The following CFAP20DC variants were observed in gnomAD, a reference collection of about 807,000 sequenced individuals.
The protein encoded by CFAP20DC is protein CFAP20DC.
In CFAP20DC, 84 loss-of-function variants were observed where a neutral mutation model predicts 101.7. The ratio of observed to expected loss-of-function variants is 0.83; its 90% CI spans 0.69 to 0.99. CFAP20DC has a LOEUF of 0.99. CFAP20DC is among the 50% of genes least tolerant of loss of function. The probability of loss-of-function intolerance (pLI) is 0.00; values close to 1 mark genes in which losing one functional copy is unlikely to be tolerated. For synonymous variants in CFAP20DC, 359 were observed against 351.2 expected (o/e 1.02, Z -0.25); for missense variants, 1,007 against 970.3 (o/e 1.04, Z -0.50).
In CFAP20DC at chr3:58,863,333, T is replaced by C. The variant is rs1293014598; in HGVS notation, c.1593+225A>G. The C allele has an allele frequency of 7.1e-7, 1 of 1,410,602 alleles. No individual in the cohort carries two copies. Among genetic ancestry groups the C allele is most frequent in the African/African-American group, 1.4e-5 (1 of 69,162 alleles). The allele number at this position is 1,410,602 out of a possible 1,614,324, so 87.4% of individuals were successfully genotyped here. A position where few individuals can be genotyped will look rare whatever the true frequency, so the allele number is the denominator to read the frequency against. ...AAAACAGAAAGAAACCCAAAACTGG[T>C]TTCTATAAGTAAAAGTGAAATTGGC... On this transcript the variant is annotated intron_variant, in intron 12 of 16. Coordinates refer to ENST00000482387, the MANE Select transcript of CFAP20DC (RefSeq NM_001394063.1). This position sits in a 1 kb window ranked among gnomAD's most constrained non-coding sequence, Gnocchi z 5.9.
chr3:58,741,728 C>A (rs930805669), downstream of CFAP20DC, among the ~76,000 whole-genome samples: 5 of 152,056 alleles, frequency 3.3e-5, no homozygotes, highest in East Asian at 1.9e-4. Flanking sequence ...GATCTCCTGA[C>A]CTCGTGATTC....
intron 4 of CFAP20DC, among the ~76,000 whole-genome samples, chr3:58,982,765 A>G (rs893000773): frequency 4.0e-5 from 6 of 150,924 alleles, no homozygotes; most frequent in African/African-American, 1.5e-4. Flanking sequence ...CTAAATGACG[A>G]GTTAATGGGT....
Position 58,894,040 on chromosome 3 carries a change from C to A in CFAP20DC, c.551-9331G>T, listed in dbSNP as rs903885109. 6.6e-6 allele frequency among the ~76,000 whole-genome samples: 1 copy of A among 152,140 alleles called. No individual in the cohort carries two copies. The highest frequency in any genetic ancestry group is 1.5e-5 in the Non-Finnish European group (1 of 68,012). ...AGATCTCAAAAGACTTACTTGCTAT[C>A]ATGAGAACAGCATGGGAAGTACCTG... On this transcript the variant is annotated intron_variant, in intron 6 of 16. Transcript: ENST00000482387. This position sits in a 1 kb window ranked among gnomAD's most constrained non-coding sequence, Gnocchi z 4.1.
chr3:58,817,079 C>T (rs1453360915), intron 14 of CFAP20DC, among the ~76,000 whole-genome samples: 1 of 152,022 alleles, frequency 6.6e-6, no homozygotes, highest in Non-Finnish European at 1.5e-5. Context: ...AGCTGAGGGT[C>T]TTGTCTGTTA....
chr3:58,748,063 A>T (rs1299721635), intron 16 of CFAP20DC, among the ~76,000 whole-genome samples: 1 of 152,180 alleles, frequency 6.6e-6, no homozygotes, highest in Non-Finnish European at 1.5e-5. Context: ...TTTAGGGAAC[A>T]TGTTGAAGAA....
rs1431304915 is a variant in CFAP20DC, at chr3:58,971,439, C to T, written c.279-33677G>A. ...TCCGACATTCACTCTTTAGATCTTT[C>T]TATCCTTCCTCACCTATGCTCTCCA... On this transcript the variant is annotated intron_variant, in intron 4 of 16. Coordinates refer to ENST00000482387, the MANE Select transcript of CFAP20DC (RefSeq NM_001394063.1). The surrounding 1 kb of genome is among the most constrained non-coding windows in gnomAD (Gnocchi z 4.1). Among the ~76,000 whole-genome samples the T allele has an allele frequency of 1.3e-5, 2 of 152,128 alleles. No homozygotes were observed. Among genetic ancestry groups the T allele is most frequent in the African/African-American group, 4.8e-5 (2 of 41,436 alleles).
chr3:59,019,323 C>A (rs2093755259), intron 4 of CFAP20DC, among the ~76,000 whole-genome samples: 1 of 151,998 alleles, frequency 6.6e-6, no homozygotes, highest in Non-Finnish European at 1.5e-5. Context: ...GAGCATACAA[C>A]CAGACTACAT....
Position 59,006,499 on chromosome 3 carries a change from A to AGGT in CFAP20DC, c.278+33055_278+33057dup, listed in dbSNP as rs1294049769. ...AAAAACTGTGAGTTCCCAAAGTGTG[A>AGGT]GGTGGGGAATCCTGCCTCTGAACAC... is the stretch of plus-strand genomic sequence containing the variant. On this transcript the variant is annotated intron_variant, in intron 4 of 16. Coordinates refer to ENST00000482387, the MANE Select transcript of CFAP20DC (RefSeq NM_001394063.1). The surrounding 1 kb of genome is among the most constrained non-coding windows in gnomAD (Gnocchi z 4.3). 2.6e-5 allele frequency among the ~76,000 whole-genome samples: 4 copies of AGGT among 152,362 alleles called. No homozygotes were observed. Among genetic ancestry groups the AGGT allele is most frequent in the Non-Finnish European group, 5.9e-5 (4 of 68,038 alleles).
chr3:58,979,770 G>C (rs28601649), intron 4 of CFAP20DC, among the ~76,000 whole-genome samples: 14,287 of 151,610 alleles, frequency 0.094, 2,231 homozygotes, highest in African/African-American at 0.33. Context: ...CCCTAAAGAA[G>C]TGCCTTCACA....
intron 4 of CFAP20DC, among the ~76,000 whole-genome samples, chr3:58,959,711 T>C (rs1409726824): frequency 6.6e-6 from 1 of 152,216 alleles, no homozygotes; most frequent in African/African-American, 2.4e-5. Flanking sequence ...TTTGCCACCT[T>C]TGTTGTTCTT....
At chr3:58,838,179 A>T (rs1416350583) in intron 13 of CFAP20DC, among the ~76,000 whole-genome samples, 1 of 152,166 alleles carries the variant, frequency 6.6e-6, no homozygotes, top group Non-Finnish European at 1.5e-5. Flanking sequence ...CAAAGGAGTA[A>T]ATTAAAGCTT....
intron 5 of CFAP20DC, among the ~76,000 whole-genome samples, chr3:58,921,656 T>A (rs1476011277): frequency 1.3e-5 from 2 of 152,186 alleles, no homozygotes; most frequent in African/African-American, 2.4e-5. Context: ...ATATCATATA[T>A]TTTGGTGAAT....
chr3:58,742,917 G>A (rs2067958820), intron 16 of CFAP20DC, among the ~76,000 whole-genome samples: 1 of 152,182 alleles, frequency 6.6e-6, no homozygotes, highest in South Asian at 2.1e-4. Flanking sequence ...AAAACTAATT[G>A]TCACAGTTCT....
Position 58,806,389 on chromosome 3 carries a change from T to A in CFAP20DC, c.2237+6A>T, listed in dbSNP as rs1451900153. 2 of 1,570,124 alleles carry A rather than the reference T, an allele frequency of 1.3e-6. No individual in the cohort carries two copies. Among genetic ancestry groups the A allele is most frequent in the Non-Finnish European group, 8.8e-7 (1 of 1,140,014 alleles). On this transcript the variant is annotated splice_donor_region_variant and intron_variant, in intron 15 of 16. Coordinates refer to ENST00000482387, the MANE Select transcript of CFAP20DC (RefSeq NM_001394063.1). ...TTCTTAAATGTAGATTATTAATGATTCTTACCGGGGATTAGAAGGAGAAGG... is the reference window on the plus strand; with the variant it reads ...TTCTTAAATGTAGATTATTAATGATACTTACCGGGGATTAGAAGGAGAAGG...
chr3:58,996,378 T>C (rs2093134843), intron 4 of CFAP20DC, among the ~76,000 whole-genome samples: 1 of 152,226 alleles, frequency 6.6e-6, no homozygotes, highest in Non-Finnish European at 1.5e-5. Flanking sequence ...CTACTCTTCC[T>C]ACCAGAAAAA....
intron 15 of CFAP20DC, among the ~76,000 whole-genome samples, chr3:58,759,311 T>C (rs973191706): frequency 2.0e-5 from 3 of 152,276 alleles, no homozygotes; most frequent in African/African-American, 7.2e-5. Flanking sequence ...TTTTTTCATA[T>C]GTCTTTTGGC....
At chr3:58,935,808 A>G (rs2087493856) in intron 5 of CFAP20DC, among the ~76,000 whole-genome samples, 1 of 152,204 alleles carries the variant, frequency 6.6e-6, no homozygotes, top group Non-Finnish European at 1.5e-5. Flanking sequence ...TAGATCTAAA[A>G]CCATAAAAAC....
rs916219857 is a variant in CFAP20DC, at chr3:58,721,281, T to C, written c.198-3653A>G. Among the ~76,000 whole-genome samples, 10 of 152,202 alleles carry C rather than the reference T, an allele frequency of 6.6e-5. No homozygotes were observed. The highest frequency in any genetic ancestry group is 2.4e-4 in the African/African-American group (10 of 41,450). On this transcript the variant is annotated intron_variant, in intron 3 of 3. Transcript: ENST00000486145. This position sits in a 1 kb window ranked among gnomAD's most constrained non-coding sequence, Gnocchi z 5.2. Reference sequence around the variant, plus strand: ...TAAACACCTTATCTGGGCCAGGGATTGTGTACTTCTGGGTGCATGTGTTGG... The same window carrying C: ...TAAACACCTTATCTGGGCCAGGGATCGTGTACTTCTGGGTGCATGTGTTGG...
chr3:58,956,788 C>G (rs367803063), intron 4 of CFAP20DC, among the ~76,000 whole-genome samples: 1 of 152,204 alleles, frequency 6.6e-6, no homozygotes, highest in Non-Finnish European at 1.5e-5. Context: ...AACTTACCAT[C>G]ATGGCAGAAG....
Sources: gnomAD v4.1 joint callset for allele counts (sites outside exome capture counted in the v4.1 genomes callset) on GRCh38, gnomAD v4.1.1 for gene constraint, Gnocchi (gnomAD v3.1) non-coding constraint, MANE v1.5 for transcripts, NCBI Gene and HGNC (gene_info 2026-07-23, HGNC 2026-07-21) for gene names.